NEDD1: variants seen among roughly 807,000 people sequenced by gnomAD.
The protein encoded by NEDD1 is protein NEDD1.
In NEDD1, 33 loss-of-function variants were observed where a neutral mutation model predicts 74.0. The observed-to-expected ratio is 0.45, with a 90% CI of 0.34 to 0.60. The LOEUF (loss-of-function observed/expected upper bound fraction) is 0.60. Among genes scored for constraint, NEDD1 ranks in the 20% least tolerant of loss-of-function variants. The probability of loss-of-function intolerance (pLI) is 0.01; values close to 1 mark genes in which losing one functional copy is unlikely to be tolerated. For missense variants in NEDD1, 746 were observed against 776.5 expected (o/e 0.96, Z 0.47); for synonymous variants, 250 against 264.4 (o/e 0.95, Z 0.53).
intron 6 of NEDD1, among the ~76,000 whole-genome samples, chr12:96,921,062 G>C (rs975200202): frequency 1.3e-5 from 2 of 152,264 alleles, no homozygotes; most frequent in East Asian, 3.9e-4. Flanking sequence ...AAAATTGAAA[G>C]GGTTGGGGAG....
chr12:96,917,676 G>T lies in NEDD1; in HGVS notation c.287G>T (p.Gly96Val). ...ACATCTATGTATTTGGTAAGCGGAGGCCTAAATAACACTGTTAATATTTGG... is the reference window on the plus strand; with the variant it reads ...ACATCTATGTATTTGGTAAGCGGAGTCCTAAATAACACTGTTAATATTTGG... ...NSTSMYLVSGGLNNTVNIWDL... is the reference protein window; with the variant it reads ...NSTSMYLVSGVLNNTVNIWDL... The change falls in exon 5 of 16, where the codon GGC (glycine) becomes GTC (valine). Residue 96 changes from glycine (G) to valine (V), a missense_variant. By Grantham distance (109) the Gly-to-Val change is moderately radical (BLOSUM62 -3). This residue lies in a region of NEDD1 where 706 missense variants were observed against 706.7 expected (regional missense o/e 1.00). Transcript: ENST00000266742. 6.4e-7 allele frequency: 1 copy of T among 1,558,746 alleles called. No individual in the cohort carries two copies. The highest frequency in any genetic ancestry group is 8.6e-7 in the Non-Finnish European group (1 of 1,161,954).
rs1032275280 is a variant in NEDD1 at position 96,907,888 on chromosome 12, C to T, written c.-9+32C>T. On this transcript the variant is annotated intron_variant, in intron 2 of 15. Coordinates refer to ENST00000266742, the MANE Select transcript of NEDD1 (RefSeq NM_152905.4). ...GGGCAGATGGTCCTCTTCCCCGCCCCGCTTTAAGAGCCGAAAACAAACATT... is the reference window on the plus strand; with the variant it reads ...GGGCAGATGGTCCTCTTCCCCGCCCTGCTTTAAGAGCCGAAAACAAACATT... The T allele has an allele frequency of 1.4e-5, 19 of 1,314,376 alleles. No individual in the cohort carries two copies. The East Asian group carries it at 5.3e-4, about 36-fold the overall frequency. The allele number at this position is 1,314,376 out of a possible 1,614,324, so 81.4% of individuals were successfully genotyped here.
Position 96,943,560 on chromosome 12 carries a change from G to A in NEDD1, c.1295G>A (p.Gly432Asp), listed in dbSNP as rs1393431875. ...CACATGCAGTTTTTCCCTTTTCCAG[G>A]CTTTGACTTTCTACCGCAGTTGAAC... is the stretch of plus-strand genomic sequence containing the variant. ...GSDESIGKGD[G>D]FDFLPQLNSV... The change falls in exon 12 of 16, where the codon GGC becomes GAC. Residue 432 changes from glycine to aspartate, a missense_variant and splice_region_variant. This residue lies in a region of NEDD1 where 706 missense variants were observed against 706.7 expected (regional missense o/e 1.00). Coordinates refer to ENST00000266742, the MANE Select transcript of NEDD1 (RefSeq NM_152905.4). The A allele has an allele frequency of 1.2e-6, 2 of 1,611,460 alleles. No individual in the cohort carries two copies. The highest frequency in any genetic ancestry group is 2.7e-5 in the African/African-American group (2 of 74,774).
At chr12:96,915,365 A>G (rs988796389) in intron 4 of NEDD1, among the ~76,000 whole-genome samples, 16 of 152,204 alleles carry the variant, frequency 1.1e-4, no homozygotes, top group Admixed American at 7.9e-4. Flanking sequence ...TGAACGTGCA[A>G]TGGGGGAAGG....
intron 14 of NEDD1, among the ~76,000 whole-genome samples, chr12:96,947,042 T>A (rs980148128): frequency 1.3e-5 from 2 of 152,232 alleles, no homozygotes; most frequent in African/African-American, 4.8e-5. Flanking sequence ...TATTATTCAA[T>A]AATTATCTAT....
chr12:96,910,401 C>G (rs540384247), intron 3 of NEDD1, among the ~76,000 whole-genome samples: 5 of 152,290 alleles, frequency 3.3e-5, no homozygotes, highest in African/African-American at 7.2e-5. Flanking sequence ...TCCTTCCTCT[C>G]TGTGTGTGTG....
intron 6 of NEDD1, among the ~76,000 whole-genome samples, chr12:96,927,390 C>CTT (rs1180727141): frequency 2.0e-5 from 3 of 152,214 alleles, no homozygotes; most frequent in Admixed American, 6.5e-5. Context: ...ATCACAGTGT[C>CTT]TTTCTACAGG....
intron 14 of NEDD1, among the ~76,000 whole-genome samples, chr12:96,950,004 G>A (rs1878554017): frequency 6.6e-6 from 1 of 151,928 alleles, no homozygotes; most frequent in Non-Finnish European, 1.5e-5. Flanking sequence ...GTATATTTGA[G>A]CACATTAATA....
In NEDD1 at chr12:96,952,910, T is replaced by C. The variant is rs1481696144; in HGVS notation, c.*857T>C. The C allele has an allele frequency of 6.6e-6, 1 of 151,722 alleles. No homozygotes were observed. Among genetic ancestry groups the C allele is most frequent in the Non-Finnish European group, 1.5e-5 (1 of 67,694 alleles). The allele number at this position is 151,722 out of a possible 1,614,324, so 9.4% of individuals were successfully genotyped here. ...TTTCCAAATAAGAAGCTTGGATTAT[T>C]TTATTTTGTGGTCTTTATCATTAAC... On this transcript the variant is annotated 3_prime_UTR_variant, in exon 16 of 16. Transcript: ENST00000266742.
At chr12:96,942,534 C>CT in intron 10 of NEDD1, 43 bp from the exon 11 acceptor site, 2 of 976,396 alleles carry the variant, frequency 2.0e-6, no homozygotes, top group Non-Finnish European at 3.3e-6. Flanking sequence ...GATATGGTTT[C>CT]TTTTTCACTA....
chr12:96,945,326 A>G (rs1383101747), intron 13 of NEDD1, among the ~76,000 whole-genome samples: 1 of 152,088 alleles, frequency 6.6e-6, no homozygotes, highest in Admixed American at 6.6e-5. Flanking sequence ...TTCCTGTAGC[A>G]GTACTTTACT....
intron 6 of NEDD1, among the ~76,000 whole-genome samples, chr12:96,929,773 A>G (rs1876177161): frequency 6.9e-6 from 1 of 144,384 alleles, no homozygotes; most frequent in South Asian, 2.1e-4. Context: ...CCTGAGAGGG[A>G]CACACTTTGG....
At chr12:96,912,178 G>T (rs913385798) in intron 3 of NEDD1, among the ~76,000 whole-genome samples, 1 of 151,520 alleles carries the variant, frequency 6.6e-6, no homozygotes, top group Non-Finnish European at 1.5e-5. Context: ...TAAAATATTT[G>T]CAAGTTACTG....
At chr12:96,934,792 C>T (rs1423816161) in intron 6 of NEDD1, among the ~76,000 whole-genome samples, 184 bp from the exon 7 acceptor site, 1 of 152,248 alleles carries the variant, frequency 6.6e-6, no homozygotes, top group African/African-American at 2.4e-5. Context: ...CCTGCCTCGG[C>T]CTCCCAAAGT....
At chr12:96,913,257 A>T (rs10860104) in intron 4 of NEDD1, among the ~76,000 whole-genome samples, 44,922 of 151,936 alleles carry the variant, frequency 0.3, 7,158 homozygotes, top group South Asian at 0.43. Context: ...GTCCACCTGT[A>T]CTGAGGGGCC....
In NEDD1 at chr12:96,945,771, AC is replaced by A. The variant is rs2136618499; in HGVS notation, c.1735del (p.Arg579GlyfsTer6). ...AAAATAGCCGACAGCATTGGAAATA[AC>A]CGGCAAAATGCACCATTGACTTCCA... ...SEKIADSIGNNRQNAPLTSIQ... is the reference protein window; with the variant it reads ...SEKIADSIGNXRQNAPLTSIQ... On this transcript the variant is annotated frameshift_variant, in exon 14 of 16. Coordinates refer to ENST00000266742, the MANE Select transcript of NEDD1 (RefSeq NM_152905.4). LOFTEE classifies it high-confidence loss of function. The A allele has an allele frequency of 6.2e-7, 1 of 1,611,040 alleles. No individual in the cohort carries two copies. The highest frequency in any genetic ancestry group is 8.5e-7 in the Non-Finnish European group (1 of 1,177,200).
At chr12:96,907,425 C>G (rs1351138311) in intron 1 of NEDD1, 125 bp downstream of exon 1, 5 of 538,588 alleles carry the variant, frequency 9.3e-6, no homozygotes, top group South Asian at 7.5e-5. Context: ...TTTGCGCGCC[C>G]GGAGCGGTTG....
chr12:96,919,177 G>A (rs1265902580), intron 5 of NEDD1, among the ~76,000 whole-genome samples: 1 of 152,106 alleles, frequency 6.6e-6, no homozygotes, highest in Non-Finnish European at 1.5e-5. Flanking sequence ...AACTCAGTTT[G>A]TTTAAAACCT....
In NEDD1 at chr12:96,907,621, A is replaced by G; in HGVS notation, c.-244A>G. Reference sequence around the variant, plus strand: ...TTTGGCAGGTACTTGGATGCATTTTACAGGTTAGCCTCACTTGAGCTGTTG... The same window carrying G: ...TTTGGCAGGTACTTGGATGCATTTTGCAGGTTAGCCTCACTTGAGCTGTTG... On this transcript the variant is annotated 5_prime_UTR_variant, in exon 2 of 16. Coordinates refer to ENST00000266742, the MANE Select transcript of NEDD1 (RefSeq NM_152905.4). 2 of 1,551,306 alleles carry G rather than the reference A, an allele frequency of 1.3e-6. No individual in the cohort carries two copies. The highest frequency in any genetic ancestry group is 2.4e-5 in the East Asian group (1 of 40,904).
Sources: gnomAD v4.1 joint callset for allele counts (sites outside exome capture counted in the v4.1 genomes callset) on GRCh38, gnomAD v4.1.1 for gene constraint, gnomAD v4.1.1 regional missense constraint, MANE v1.5 for transcripts, NCBI Gene and HGNC (gene_info 2026-07-23, HGNC 2026-07-21) for gene names.